Variants in SHC3 observed in about 807,000 individuals in gnomAD.
SHC3 encodes SHC-transforming protein 3.
SHC3 carries 15 observed loss-of-function variants against 60.4 expected under a neutral mutation model. The observed-to-expected ratio is 0.25, with a 90% confidence interval of 0.17 to 0.38. SHC3 has a LOEUF of 0.38. Among genes scored for constraint, SHC3 ranks in the 10% least tolerant of loss-of-function variants. The probability of loss-of-function intolerance (pLI) is 1.00; values close to 1 mark genes in which losing one functional copy is unlikely to be tolerated. For synonymous variants in SHC3, 294 were observed against 325.9 expected, an observed-to-expected ratio of 0.90 and a Z score of 1.05; for missense variants, 677 against 786.1, an observed-to-expected ratio of 0.86 and a Z score of 1.66.
chr9:89,160,956 G>C (rs1317605981), intron 1 of SHC3, among the ~76,000 whole-genome samples: 1 of 152,168 alleles, frequency 6.6e-6, no homozygotes, highest in African/African-American at 2.4e-5. Flanking sequence ...TATACAAATA[G>C]GCTCCAGGTC....
At chr9:89,060,977 A>G (rs1825080022) in intron 6 of SHC3, among the ~76,000 whole-genome samples, 2 of 152,124 alleles carry the variant, frequency 1.3e-5, no homozygotes, top group South Asian at 4.1e-4. Flanking sequence ...GTGTCTGCCT[A>G]TGTTTGAGAG....
Position 89,012,549 on chromosome 9 carries a change from C to A in SHC3, c.*898G>T, listed in dbSNP as rs1224650169. 6.6e-6 allele frequency: 1 copy of A among 152,150 alleles called. No homozygotes were observed. Among genetic ancestry groups the A allele is most frequent in the Non-Finnish European group, 1.5e-5 (1 of 68,034 alleles). 9.4% of individuals were successfully genotyped at this position (152,150 alleles called of 1,614,324 possible). A position where few individuals can be genotyped will look rare whatever the true frequency, so the allele number is the denominator to read the frequency against. On this transcript the variant is annotated 3_prime_UTR_variant, in exon 12 of 12. Transcript: ENST00000375835. ...GGGCGGGGGACTTTACTAGCAATTA[C>A]CATAAGCAGCCTGTAGTCAACCGCT...
intron 1 of SHC3, among the ~76,000 whole-genome samples, chr9:89,146,555 G>C (rs539635138): frequency 2.0e-5 from 3 of 152,294 alleles, no homozygotes; most frequent in African/African-American, 7.2e-5. Context: ...TATAGGAATA[G>C]ACTGGAAGTA....
chr9:89,110,089 C>G (rs553083946), intron 2 of SHC3: 1 of 985,212 alleles, frequency 1.0e-6, no homozygotes, highest in African/African-American at 1.7e-5. Flanking sequence ...AAGGAAACAC[C>G]TTTCCAAAAG....
chr9:89,118,420 AG>A (rs1469513323), intron 1 of SHC3, among the ~76,000 whole-genome samples: 1 of 152,024 alleles, frequency 6.6e-6, no homozygotes, highest in Non-Finnish European at 1.5e-5. Context: ...TCTGCCTCAT[AG>A]GAATTCCAGA....
intron 2 of SHC3, among the ~76,000 whole-genome samples, chr9:89,102,799 C>A (rs1263254533): frequency 1.3e-5 from 2 of 152,118 alleles, no homozygotes; most frequent in East Asian, 3.9e-4. Context: ...TTTCCAAAAA[C>A]CCATTGATGA....
chr9:89,096,536 TAA>T (rs2118068309), intron 2 of SHC3, among the ~76,000 whole-genome samples: 2 of 152,350 alleles, frequency 1.3e-5, no homozygotes, highest in East Asian at 3.9e-4. Context: ...GATTTTTGTA[TAA>T]AGTGTGACTG....
chr9:89,046,911 A>T lies in SHC3; in HGVS notation c.1046T>A (p.Met349Lys), dbSNP rs1415345277. 1 of 1,611,214 alleles carries T rather than the reference A, an allele frequency of 6.2e-7. No homozygotes were observed. ...HPYYNSIPSK[M>K]PPPGGFLDTR... is the part of the protein sequence containing the mutation. ...ATCAAGAAAGCCCCCTGGAGGAGGC[A>T]TCTTGCTTGGGATGCTGTTGTAGTA... The change falls in exon 8 of 12, where the codon ATG becomes AAG. Residue 349 changes from methionine to lysine, a missense_variant. Transcript: ENST00000375835.
At chr9:89,174,977 G>T (rs1826922350) in intron 1 of SHC3, among the ~76,000 whole-genome samples, 1 of 152,220 alleles carries the variant, frequency 6.6e-6, no homozygotes, top group Non-Finnish European at 1.5e-5. Context: ...AGTGATTGGG[G>T]TCCTACCCAG....
intron 11 of SHC3, among the ~76,000 whole-genome samples, chr9:89,014,444 G>C (rs1336720249): frequency 6.6e-6 from 1 of 152,156 alleles, no homozygotes; most frequent in Non-Finnish European, 1.5e-5. Context: ...ATAAGTGGGA[G>C]ATGGGGGCAG....
chr9:89,109,516 T>C, intron 2 of SHC3: 5 of 985,486 alleles, frequency 5.1e-6, no homozygotes, highest in African/African-American at 1.7e-5. Flanking sequence ...TTATAGAATG[T>C]TGGAAGCCAG....
intron 1 of SHC3, among the ~76,000 whole-genome samples, chr9:89,166,516 G>A (rs570662687): frequency 1.3e-5 from 2 of 152,368 alleles, no homozygotes; most frequent in East Asian, 3.9e-4. Context: ...AACGCTTCAA[G>A]GCCGAGACTG....
chr9:89,144,324 TA>T (rs1826437504), intron 1 of SHC3, among the ~76,000 whole-genome samples: 1 of 152,198 alleles, frequency 6.6e-6, no homozygotes, highest in Non-Finnish European at 1.5e-5. Flanking sequence ...AAAGAACAAG[TA>T]AAAGAAACTG....
At chr9:89,119,938 A>C (rs944376843) in intron 1 of SHC3, among the ~76,000 whole-genome samples, 12 of 152,302 alleles carry the variant, frequency 7.9e-5, no homozygotes, top group African/African-American at 2.9e-4. Flanking sequence ...GAACCATTGA[A>C]GAAAGGATGA....
chr9:89,146,378 CAAAA>C (rs773964774), intron 1 of SHC3, among the ~76,000 whole-genome samples: 8 of 137,354 alleles, frequency 5.8e-5, no homozygotes, highest in African/African-American at 1.9e-4. Flanking sequence ...CAAAACAAAA[CAAAA>C]AAAAACCTGA....
At chr9:89,031,831 G>T (rs1824497267) in intron 11 of SHC3, among the ~76,000 whole-genome samples, 2 of 152,284 alleles carry the variant, frequency 1.3e-5, no homozygotes, top group South Asian at 4.1e-4. Flanking sequence ...AATGTAAAAG[G>T]TATGTTGCTG....
At chr9:89,126,241 G>GT (rs1826163649) in intron 1 of SHC3, among the ~76,000 whole-genome samples, 1 of 152,112 alleles carries the variant, frequency 6.6e-6, no homozygotes, top group African/African-American at 2.4e-5. Flanking sequence ...CTAAAACAAA[G>GT]TGGGTTAAAG....
intron 1 of SHC3, among the ~76,000 whole-genome samples, chr9:89,158,003 T>G (rs1193752424): frequency 6.6e-6 from 1 of 151,906 alleles, no homozygotes; most frequent in Non-Finnish European, 1.5e-5. Context: ...TTTCCTATAT[T>G]TAATTTTATT....
intron 1 of SHC3, among the ~76,000 whole-genome samples, chr9:89,149,444 C>A (rs184310990): frequency 4.8e-4 from 73 of 152,160 alleles, no homozygotes; most frequent in Admixed American, 8.5e-4. Context: ...GGGAAATAAT[C>A]AAAAATGCAT....
Sources: gnomAD v4.1 joint callset for allele counts (sites outside exome capture counted in the v4.1 genomes callset) on GRCh38, gnomAD v4.1.1 for gene constraint, MANE v1.5 for transcripts, NCBI Gene and HGNC (gene_info 2026-07-23, HGNC 2026-07-21) for gene names.